Variants in TTC29 observed in about 807,000 individuals in gnomAD.
TTC29 encodes the protein tetratricopeptide repeat protein 29.
TTC29 carries 49 observed loss-of-function variants against 58.1 expected under a neutral mutation model. The ratio of observed to expected loss-of-function variants is 0.84; its 90% CI spans 0.67 to 1.07. The LOEUF (loss-of-function observed/expected upper bound fraction) is 1.07. TTC29 is among the 50% of genes least tolerant of loss of function. The pLI, the probability that TTC29 is intolerant of heterozygous loss-of-function variation, is 0.00. For missense variants in TTC29, 582 were observed against 555.6 expected (o/e 1.05, Z -0.48); for synonymous variants, 209 against 196.8 (o/e 1.06, Z -0.52).
intron 6 of TTC29, among the ~76,000 whole-genome samples, chr4:146,875,962 T>C (rs1011569721): frequency 2.3e-4 from 35 of 152,214 alleles, no homozygotes; most frequent in Middle Eastern, 3.2e-3. Flanking sequence ...GAAATGTAAA[T>C]ACTCTTTTAT....
intron 6 of TTC29, among the ~76,000 whole-genome samples, chr4:146,893,873 A>G (rs1732561908): frequency 6.6e-6 from 1 of 152,236 alleles, no homozygotes; most frequent in South Asian, 2.1e-4. Context: ...GGTGAAGGAT[A>G]TGAACAGACA....
rs144526409 is a variant in TTC29, at chr4:146,937,594, G to A, written c.176C>T (p.Ala59Val). The change falls in exon 4 of 13, where the codon GCT (alanine) becomes GTT (valine). Residue 59 changes from alanine to valine, a missense_variant and splice_region_variant. Transcript: ENST00000325106. Reference protein sequence around the residue: ...FKGLSKEEVAAYRNSYKKNIC... With the variant: ...FKGLSKEEVAVYRNSYKKNIC... ...AAGTACCTTTAAAGGTTGTACTTACGCAGCAACTTCCTCTTTTGATAATCC... is the reference window on the plus strand; with the variant it reads ...AAGTACCTTTAAAGGTTGTACTTACACAGCAACTTCCTCTTTTGATAATCC... The A allele has an allele frequency of 3.2e-5, 48 of 1,510,908 alleles. No individual in the cohort carries two copies. The highest frequency in any genetic ancestry group is 3.8e-5 in the South Asian group (3 of 78,780). The allele number at this position is 1,510,908 out of a possible 1,614,324, so 93.6% of individuals were successfully genotyped here. A position where few individuals can be genotyped will look rare whatever the true frequency, so the allele number is the denominator to read the frequency against.
At chr4:146,820,003 AG>A in intron 10 of TTC29, 121 bp downstream of exon 10, 1 of 1,311,932 alleles carries the variant, frequency 7.6e-7, no homozygotes, top group East Asian at 2.3e-5. Flanking sequence ...CCTGCAGTCC[AG>A]GGCCATTCTG....
intron 11 of TTC29, among the ~76,000 whole-genome samples, chr4:146,756,629 CT>C (rs994104002): frequency 1.3e-5 from 2 of 151,988 alleles, no homozygotes; most frequent in African/African-American, 4.8e-5. Flanking sequence ...GTTTTCCAAG[CT>C]TTTAGAACTC....
rs1316078385 is a variant in TTC29, at chr4:146,923,715, A to G, written c.176+13879T>C. Among the ~76,000 whole-genome samples the G allele has an allele frequency of 1.3e-5, 2 of 151,880 alleles. 1 individual carries two copies. The highest frequency in any genetic ancestry group is 2.9e-5 in the Non-Finnish European group (2 of 67,802). On this transcript the variant is annotated intron_variant, in intron 4 of 12. Coordinates refer to ENST00000325106, the MANE Select transcript of TTC29 (RefSeq NM_031956.4). ...TTTTAATAATGTCAGTTCTCCTAAA[A>G]TAACATATGAACTTAACACAATCCC...
At chr4:146,727,117 T>G (rs1743847892) in intron 11 of TTC29, among the ~76,000 whole-genome samples, 1 of 151,638 alleles carries the variant, frequency 6.6e-6, no homozygotes, top group Non-Finnish European at 1.5e-5. Flanking sequence ...GTTTTATATT[T>G]ATATGAATGT....
At chr4:146,909,987 C>T (rs1394436891) in intron 4 of TTC29, among the ~76,000 whole-genome samples, 3 of 151,646 alleles carry the variant, frequency 2.0e-5, no homozygotes, top group Non-Finnish European at 4.4e-5. Flanking sequence ...TTTCAAATCA[C>T]GAAAATTTCT....
chr4:146,737,266 T>A (rs1212370030), intron 11 of TTC29, among the ~76,000 whole-genome samples: 1 of 152,006 alleles, frequency 6.6e-6, no homozygotes, highest in African/African-American at 2.4e-5. Context: ...GGGGGATGCA[T>A]TAAAGTAGAA....
intron 11 of TTC29, among the ~76,000 whole-genome samples, chr4:146,744,379 G>A (rs551090706): frequency 2.0e-5 from 3 of 152,124 alleles, no homozygotes; most frequent in Non-Finnish European, 4.4e-5. Context: ...AAAAGAGAGA[G>A]AGAGAGAGGA....
intron 10 of TTC29, among the ~76,000 whole-genome samples, chr4:146,808,552 C>T (rs965613939): frequency 6.6e-6 from 1 of 152,172 alleles, no homozygotes; most frequent in Non-Finnish European, 1.5e-5. Flanking sequence ...TCTCAGGATA[C>T]AAAATCAATG....
chr4:146,800,936 T>C (rs552479871), intron 11 of TTC29, among the ~76,000 whole-genome samples: 2 of 152,286 alleles, frequency 1.3e-5, no homozygotes, highest in South Asian at 2.1e-4. Context: ...TGACATTCAA[T>C]GTGGGACAGA....
intron 11 of TTC29, among the ~76,000 whole-genome samples, chr4:146,793,374 A>G (rs958697976): frequency 1.3e-5 from 2 of 152,162 alleles, no homozygotes; most frequent in African/African-American, 4.8e-5. Context: ...CATTAACATC[A>G]AGGGAAGACT....
intron 8 of TTC29, among the ~76,000 whole-genome samples, chr4:146,865,268 T>G (rs553952866): frequency 6.6e-6 from 1 of 152,182 alleles, no homozygotes; most frequent in Non-Finnish European, 1.5e-5. Flanking sequence ...ATTTGTCACA[T>G]CTGATGAAAC....
At chr4:146,810,639 T>C (rs538475478) in intron 10 of TTC29, among the ~76,000 whole-genome samples, 11 of 150,404 alleles carry the variant, frequency 7.3e-5, no homozygotes, top group African/African-American at 2.7e-4. Context: ...TTGCCCAGGT[T>C]GGAGTGCAGT....
At chr4:146,709,994 T>G (rs1742363289) in intron 11 of TTC29, among the ~76,000 whole-genome samples, 2 of 152,146 alleles carry the variant, frequency 1.3e-5, no homozygotes, top group Admixed American at 1.3e-4. Flanking sequence ...TGCCTCCCAC[T>G]CATCAGTGCT....
At chr4:146,809,025 G>GTTC (rs1254408883) in intron 10 of TTC29, among the ~76,000 whole-genome samples, 182 of 149,720 alleles carry the variant, frequency 1.2e-3, no homozygotes, top group Admixed American at 3.0e-3. Flanking sequence ...CATGGTACTG[G>GTTC]TACCAAAACA....
intron 11 of TTC29, among the ~76,000 whole-genome samples, chr4:146,754,366 A>G (rs759746936): frequency 6.6e-6 from 1 of 152,078 alleles, no homozygotes; most frequent in African/African-American, 2.4e-5. Context: ...AAATTCTCGC[A>G]AACATACAAA....
intron 6 of TTC29, among the ~76,000 whole-genome samples, chr4:146,897,053 G>A (rs1732818680): frequency 6.6e-6 from 1 of 151,994 alleles, no homozygotes; most frequent in South Asian, 2.1e-4. Flanking sequence ...CTTTAGTCCT[G>A]GTATTCAAAG....
chr4:146,756,102 G>A (rs1015281068), intron 11 of TTC29, among the ~76,000 whole-genome samples: 8 of 151,954 alleles, frequency 5.3e-5, no homozygotes, highest in South Asian at 2.1e-4. Flanking sequence ...ATGAAACCCC[G>A]TTTCTACTAA....
Sources: gnomAD v4.1 joint callset for allele counts (sites outside exome capture counted in the v4.1 genomes callset) on GRCh38, gnomAD v4.1.1 for gene constraint, MANE v1.5 for transcripts, NCBI Gene and HGNC (gene_info 2026-07-23, HGNC 2026-07-21) for gene names.